The following TOP6BL variants were observed in gnomAD, a reference collection of about 807,000 sequenced individuals.
TOP6BL encodes the protein TOP6B like initiator of meiotic double strand breaks.
the TOP6BL span, among the ~76,000 whole-genome samples, chr11:66,834,177 C>G: frequency 6.6e-6 from 1 of 152,106 alleles, no homozygotes; most frequent in African/African-American, 2.4e-5. Context: ...CATAGTTTTC[C>G]CATTTTACAG....
At chr11:66,775,920 T>C in the TOP6BL span, among the ~76,000 whole-genome samples, 28 of 152,302 alleles carry the variant, frequency 1.8e-4, no homozygotes, top group East Asian at 5.0e-3. Context: ...ATGAATGATA[T>C]TCATTTTTTT....
At chr11:66,765,007 A>G in the TOP6BL span, among the ~76,000 whole-genome samples, 2 of 152,074 alleles carry the variant, frequency 1.3e-5, no homozygotes, top group African/African-American at 4.8e-5. Flanking sequence ...TATTATTAGC[A>G]CTAGGGAGGA....
At chr11:66,756,341 T>C in the TOP6BL span, 1 of 1,205,126 alleles carries the variant, frequency 8.3e-7, no homozygotes, top group Non-Finnish European at 1.1e-6. Context: ...TCCCCCCTTT[T>C]TTTTTTCTCA....
chr11:66,800,465 A>G, the TOP6BL span, among the ~76,000 whole-genome samples: 96 of 152,380 alleles, frequency 6.3e-4, no homozygotes, highest in African/African-American at 2.3e-3. Context: ...TTATATACAT[A>G]TATCAAAACA....
At chr11:66,836,689 C>T in the TOP6BL span, among the ~76,000 whole-genome samples, 5 of 122,610 alleles carry the variant, frequency 4.1e-5, no homozygotes, top group Admixed American at 2.9e-4. Flanking sequence ...CTCGTCACTA[C>T]AGAAAATATG....
chr11:66,803,819 A>T, the TOP6BL span, among the ~76,000 whole-genome samples: 1 of 152,214 alleles, frequency 6.6e-6, no homozygotes, highest in African/African-American at 2.4e-5. Flanking sequence ...TTTTTCTACT[A>T]CTTCCATTGC....
At chr11:66,773,587 A>G in the TOP6BL span, among the ~76,000 whole-genome samples, 5 of 151,930 alleles carry the variant, frequency 3.3e-5, no homozygotes, top group African/African-American at 1.2e-4. Context: ...CTGTTGTTCT[A>G]TTTCATTCAT....
the TOP6BL span, among the ~76,000 whole-genome samples, chr11:66,797,648 G>A: frequency 6.6e-6 from 1 of 152,030 alleles, no homozygotes; most frequent in African/African-American, 2.4e-5. Flanking sequence ...GGGATTACAG[G>A]TGTGCACCAC....
chr11:66,763,205 A>T, the TOP6BL span, among the ~76,000 whole-genome samples: 49 of 152,214 alleles, frequency 3.2e-4, no homozygotes, highest in Non-Finnish European at 3.2e-4. Context: ...TTTTTAAAAT[A>T]AAAAAGAATG....
chr11:66,760,625 CAAAAAAAAAAAA>C, the TOP6BL span, among the ~76,000 whole-genome samples: 12 of 54,146 alleles, frequency 2.2e-4, no homozygotes, highest in African/African-American at 4.9e-4. Flanking sequence ...CCCATCTTTA[CAAAAAAAAAAAA>C]AAAAAAAAAA....
chr11:66,817,095 G>A, the TOP6BL span, among the ~76,000 whole-genome samples: 1 of 152,134 alleles, frequency 6.6e-6, no homozygotes, highest in South Asian at 2.1e-4. Flanking sequence ...AGAGGTTGCA[G>A]TGAGCCAAGA....
the TOP6BL span, among the ~76,000 whole-genome samples, chr11:66,840,969 A>ACT: frequency 6.6e-6 from 1 of 152,026 alleles, no homozygotes; most frequent in Non-Finnish European, 1.5e-5. Context: ...TGGGAGATTC[A>ACT]TTTGCTCACT....
the TOP6BL span, among the ~76,000 whole-genome samples, chr11:66,775,330 A>T: frequency 7.9e-5 from 12 of 152,168 alleles, no homozygotes; most frequent in African/African-American, 2.7e-4. Context: ...AGGGAGAATA[A>T]GGGGCTCGAC....
chr11:66,812,656 A>T, the TOP6BL span, among the ~76,000 whole-genome samples: 1 of 152,192 alleles, frequency 6.6e-6, no homozygotes, highest in African/African-American at 2.4e-5. Context: ...TTACCCCATA[A>T]GAAAGAGGAT....
At chr11:66,766,938 C>G in the TOP6BL span, among the ~76,000 whole-genome samples, 1 of 152,158 alleles carries the variant, frequency 6.6e-6, no homozygotes, top group African/African-American at 2.4e-5. Flanking sequence ...ACTCATAATT[C>G]TCCAGCGTTA....
At chr11:66,806,781 A>G in the TOP6BL span, among the ~76,000 whole-genome samples, 15 of 152,276 alleles carry the variant, frequency 9.9e-5, no homozygotes, top group Admixed American at 2.0e-4. Flanking sequence ...AGAGAACAGA[A>G]GAGGCGTGGT....
chr11:66,803,162 A>C, the TOP6BL span, among the ~76,000 whole-genome samples: 14 of 152,342 alleles, frequency 9.2e-5, no homozygotes, highest in Non-Finnish European at 1.2e-4. Context: ...CAGACTTATA[A>C]GTATCATGGG....
At chr11:66,796,621 A>C in the TOP6BL span, among the ~76,000 whole-genome samples, 1 of 151,914 alleles carries the variant, frequency 6.6e-6, no homozygotes, top group African/African-American at 2.4e-5. Flanking sequence ...CTCTACAAAA[A>C]AAATTTTAAA....
At chr11:66,803,515 G>A in the TOP6BL span, among the ~76,000 whole-genome samples, 675 of 152,254 alleles carry the variant, frequency 4.4e-3, 4 homozygotes, top group African/African-American at 0.015. Flanking sequence ...TGCAACCTCC[G>A]CTTCCCAGGT....
Sources: gnomAD v4.1 joint callset for allele counts (sites outside exome capture counted in the v4.1 genomes callset) on GRCh38, gnomAD v4.1.1 for gene constraint, MANE v1.5 for transcripts, NCBI Gene and HGNC (gene_info 2026-07-23, HGNC 2026-07-21) for gene names.